The following D2HGDH variants were observed in gnomAD, a reference collection of about 807,000 sequenced individuals.
The protein encoded by D2HGDH is D-2-hydroxyglutarate dehydrogenase, also known as D-2-hydroxyglutarate dehydrogenase, mitochondrial.
In D2HGDH, 31 loss-of-function variants were observed where a neutral mutation model predicts 46.9. That is an observed-to-expected ratio of 0.66 (90% CI 0.50 to 0.89). The LOEUF (loss-of-function observed/expected upper bound fraction) is 0.89, where lower values mean the gene tolerates loss of function less well. D2HGDH is among the 40% of genes least tolerant of loss of function. The pLI, the probability that D2HGDH is intolerant of heterozygous loss-of-function variation, is 0.00. For synonymous variants in D2HGDH, 364 were observed against 332.6 expected, an observed-to-expected ratio of 1.09 and a Z score of -1.03; for missense variants, 698 against 720.8, an observed-to-expected ratio of 0.97 and a Z score of 0.36.
chr2:241,758,160 G>A (rs1352461766), intron 9 of D2HGDH, among the ~76,000 whole-genome samples: 1 of 152,054 alleles, frequency 6.6e-6, no homozygotes, highest in African/African-American at 2.4e-5. Flanking sequence ...GGATGAGTTT[G>A]TTTATGTTTG....
chr2:241,747,550 T>TTG (rs1418888033), intron 6 of D2HGDH, among the ~76,000 whole-genome samples: 3 of 151,272 alleles, frequency 2.0e-5, no homozygotes, highest in Admixed American at 2.0e-4. Flanking sequence ...GAGAGTGTTT[T>TTG]TTTTTTTTTT....
chr2:241,735,083 C>G (rs1160899323), intron 1 of D2HGDH, 50 bp from the exon 2 acceptor site: 2 of 929,728 alleles, frequency 2.2e-6, no homozygotes, highest in Non-Finnish European at 3.0e-6. Flanking sequence ...AAGCGTGTTT[C>G]AATTTGTACA....
At chr2:241,753,111 C>T (rs1019457856) in intron 8 of D2HGDH, among the ~76,000 whole-genome samples, 4 of 152,208 alleles carry the variant, frequency 2.6e-5, no homozygotes, top group Admixed American at 1.3e-4. Context: ...CACCTCCAGA[C>T]GCTTCCTGGG....
intron 9 of D2HGDH, among the ~76,000 whole-genome samples, chr2:241,764,574 G>C (rs1454425436): frequency 6.6e-6 from 1 of 152,240 alleles, no homozygotes. Flanking sequence ...CTCGACCTTT[G>C]TCGGTTCTGG....
intron 1 of D2HGDH, 54 bp from the exon 2 acceptor site, chr2:241,735,079 G>A: frequency 1.1e-6 from 1 of 903,214 alleles, no homozygotes; most frequent in East Asian, 3.2e-5. Context: ...CTGCAAGCGT[G>A]TTTCAATTTG....
chr2:241,757,046 G>A (rs750169834), intron 9 of D2HGDH, among the ~76,000 whole-genome samples: 4 of 152,142 alleles, frequency 2.6e-5, no homozygotes, highest in Non-Finnish European at 4.4e-5. Flanking sequence ...TTACAGGAGG[G>A]TCTAGGGTTG....
intron 9 of D2HGDH, among the ~76,000 whole-genome samples, chr2:241,758,248 G>T (rs1284679650): frequency 6.6e-6 from 1 of 152,254 alleles, no homozygotes; most frequent in Non-Finnish European, 1.5e-5. Flanking sequence ...CTGGATTTTG[G>T]TATCAAAATC....
Position 241,744,980 on chromosome 2 carries a change from C to CG in D2HGDH, c.853+103_853+104insG, listed in dbSNP as rs1559365339. On this transcript the variant is annotated intron_variant, in intron 6 of 9. Transcript: ENST00000321264. ...AGGAAGGGGATGGAGGGACCCCCCG[C>CG]CAAGGACAGTCGGTTCCCGTGTCTC... 1.5e-5 allele frequency: 22 copies of CG among 1,483,818 alleles called. No homozygotes were observed. In the East Asian group the frequency reaches 4.8e-4, roughly 32 times the overall value. 91.9% of individuals were successfully genotyped at this position (1,483,818 alleles called of 1,614,324 possible).
chr2:241,741,092 T>C lies in D2HGDH; in HGVS notation c.350+2T>C, dbSNP rs1694331111. On this transcript the variant is annotated splice_donor_variant, in intron 3 of 9. Coordinates refer to ENST00000321264, the MANE Select transcript of D2HGDH (RefSeq NM_152783.5). LOFTEE classifies it high-confidence loss of function. ...GGAGGAGGTGTCCCACATCCTCAGG[T>C]GAGGTGGTGGCTCCCGGCTCCCCCA... The C allele has an allele frequency of 6.2e-7, 1 of 1,613,136 alleles. No individual in the cohort carries two copies. Among genetic ancestry groups the C allele is most frequent in the Admixed American group, 1.7e-5 (1 of 59,904 alleles).
At position 241,744,972 on chromosome 2, in the gene D2HGDH, A is replaced by ACCC. The variant is rs368566208; in HGVS notation, c.853+99_853+101dup. On this transcript the variant is annotated intron_variant, in intron 6 of 9. Coordinates refer to ENST00000321264, the MANE Select transcript of D2HGDH (RefSeq NM_152783.5). ...TTGGTGTGAGGAAGGGGATGGAGGG[A>ACCC]CCCCCCGCCAAGGACAGTCGGTTCC... 0.065 allele frequency: 85,833 copies of ACCC among 1,328,344 alleles called. 1,183 individuals carry two copies. The highest frequency in any genetic ancestry group is 0.17 in the African/African-American group (10,955 of 66,352). The allele number at this position is 1,328,344 out of a possible 1,614,324, so 82.3% of individuals were successfully genotyped here. A position where few individuals can be genotyped will look rare whatever the true frequency, so the allele number is the denominator to read the frequency against.
At chr2:241,757,481 GGT>G (rs1698297625) in intron 9 of D2HGDH, among the ~76,000 whole-genome samples, 1 of 150,338 alleles carries the variant, frequency 6.7e-6, no homozygotes. Flanking sequence ...TATGGGAAGG[GGT>G]TAAGGGCATG....
In D2HGDH at chr2:241,743,405, A is replaced by AT. The variant is rs951539462; in HGVS notation, c.491-207dup. Among the ~76,000 whole-genome samples the AT allele has an allele frequency of 2.4e-4, 36 of 148,168 alleles. No homozygotes were observed. Among genetic ancestry groups the AT allele is most frequent in the East Asian group, 7.9e-4 (4 of 5,080 alleles). On this transcript the variant is annotated intron_variant, in intron 4 of 9. Coordinates refer to ENST00000321264, the MANE Select transcript of D2HGDH (RefSeq NM_152783.5). This position sits in a 1 kb window ranked among gnomAD's most constrained non-coding sequence, Gnocchi z 4.8. The stretch of plus-strand genomic sequence containing the variant: ...TTTTTCCTCTCTTTTCATGTTACTC[A>AT]TTTTTTTTTTGTGTCACCATAATTA...
intron 9 of D2HGDH, among the ~76,000 whole-genome samples, chr2:241,762,849 C>CA (rs1349630372): frequency 6.6e-6 from 1 of 152,214 alleles, no homozygotes; most frequent in East Asian, 1.9e-4. Flanking sequence ...TTTCTTTACA[C>CA]ATGACACGTT....
In D2HGDH at chr2:241,755,995, G is replaced by A; in HGVS notation, c.1287G>A (p.Val429=). 2.5e-6 allele frequency: 4 copies of A among 1,601,708 alleles called. No individual in the cohort carries two copies. The highest frequency in any genetic ancestry group is 2.6e-6 in the Non-Finnish European group (3 of 1,171,194). ...GCCTCGGCCCGCACGCCAAGCACGTGGTGGGCTATGGCCACCTTGGTGAGC... is the reference window on the plus strand; with the variant it reads ...GCCTCGGCCCGCACGCCAAGCACGTAGTGGGCTATGGCCACCTTGGTGAGC... The part of the protein sequence containing the change: ...RARLGPHAKH[V]VGYGHLGDGN... The change falls in exon 9 of 10, where the codon GTG becomes GTA. Residue 429 remains valine, a synonymous_variant. Transcript: ENST00000321264.
intron 9 of D2HGDH, among the ~76,000 whole-genome samples, chr2:241,764,857 G>A (rs886645192): frequency 2.6e-5 from 4 of 152,190 alleles, no homozygotes; most frequent in Admixed American, 2.0e-4. Flanking sequence ...GAGGTGGGGC[G>A]GGGTCCTCAC....
chr2:241,738,861 T>C (rs917752368), intron 2 of D2HGDH, among the ~76,000 whole-genome samples: 1 of 152,256 alleles, frequency 6.6e-6, no homozygotes, highest in Non-Finnish European at 1.5e-5. Context: ...AGTAGGTGTT[T>C]GCTGATGTGA....
intron 6 of D2HGDH, chr2:241,749,846 G>C (rs1696816942): frequency 2.3e-6 from 1 of 430,460 alleles, no homozygotes; most frequent in East Asian, 5.0e-5. Flanking sequence ...GTGACACCAG[G>C]CGTGCCCTGC....
rs2125082592 is a variant in D2HGDH at position 241,743,872 on chromosome 2, C to T, written c.684+57C>T. The T allele has an allele frequency of 3.9e-6, 6 of 1,538,084 alleles. No homozygotes were observed. Among genetic ancestry groups the T allele is most frequent in the Non-Finnish European group, 5.3e-6 (6 of 1,136,494 alleles). ...CGCCACGGGGTGTCCTCTCACGGCT[C>T]TCATGGGCCCACGTGGTGGCACAGG... On this transcript the variant is annotated intron_variant, in intron 5 of 9. Coordinates refer to ENST00000321264, the MANE Select transcript of D2HGDH (RefSeq NM_152783.5). This position sits in a 1 kb window ranked among gnomAD's most constrained non-coding sequence, Gnocchi z 4.8.
At chr2:241,756,159 G>A (rs1052930781) in intron 9 of D2HGDH, 145 bp downstream of exon 9, 5 of 1,235,294 alleles carry the variant, frequency 4.0e-6, no homozygotes, top group Non-Finnish European at 5.4e-6. Context: ...CAGGACCACG[G>A]TGTCTGACAG....
Sources: allele counts gnomAD v4.1 joint callset (sites outside exome capture counted in the v4.1 genomes callset), GRCh38; gene constraint gnomAD v4.1.1; non-coding constraint Gnocchi (gnomAD v3.1); transcripts MANE v1.5; gene names NCBI Gene and HGNC (gene_info 2026-07-23, HGNC 2026-07-21).